IMMP1L: variants seen among roughly 807,000 people sequenced by gnomAD.
IMMP1L encodes mitochondrial inner membrane protease subunit 1.
IMMP1L carries 24 observed loss-of-function variants against 21.8 expected under a neutral mutation model. The observed-to-expected ratio is 1.10, with a 90% CI of 0.80 to 1.55. IMMP1L has a LOEUF of 1.55. Among genes scored for constraint, IMMP1L ranks in the 40% most tolerant of loss-of-function variants. IMMP1L has a pLI of 0.00. For synonymous variants in IMMP1L, 46 were observed against 62.8 expected, an observed-to-expected ratio of 0.73 and a Z score of 1.26; for missense variants, 195 against 200.7, an observed-to-expected ratio of 0.97 and a Z score of 0.17.
intron 4 of IMMP1L, among the ~76,000 whole-genome samples, chr11:31,446,627 T>C (rs537117797): frequency 6.6e-6 from 1 of 152,314 alleles, no homozygotes; most frequent in Non-Finnish European, 1.5e-5. Flanking sequence ...CTGGAACTCT[T>C]ACTTTTGGCA....
chr11:31,477,903 A>G (rs1954775856), intron 1 of IMMP1L: 1 of 152,202 alleles, frequency 6.6e-6, no homozygotes, highest in African/African-American at 2.4e-5. Flanking sequence ...TCCTACAGCT[A>G]CAAATCAAGT....
chr11:31,476,651 G>A (rs1954740073), intron 1 of IMMP1L, among the ~76,000 whole-genome samples: 1 of 151,860 alleles, frequency 6.6e-6, no homozygotes, highest in Non-Finnish European at 1.5e-5. Flanking sequence ...AGAGCTATGA[G>A]ATAAAATCCA....
chr11:31,462,113 G>A (rs1010591651), intron 2 of IMMP1L, among the ~76,000 whole-genome samples: 2 of 151,998 alleles, frequency 1.3e-5, no homozygotes, highest in Admixed American at 6.6e-5. Context: ...CCAGGAGTTC[G>A]TGCACAGCCT....
At chr11:31,456,736 T>G (rs561692955) in intron 3 of IMMP1L, among the ~76,000 whole-genome samples, 4 of 151,516 alleles carry the variant, frequency 2.6e-5, no homozygotes, top group African/African-American at 9.7e-5. Context: ...CAATTCTACA[T>G]AGGCCGGGTA....
chr11:31,441,792 GT>G (rs891959830), intron 4 of IMMP1L, among the ~76,000 whole-genome samples: 1 of 151,672 alleles, frequency 6.6e-6, no homozygotes, highest in Non-Finnish European at 1.5e-5. Context: ...AATAAAATGT[GT>G]TTTTTTAAAA....
intron 4 of IMMP1L, among the ~76,000 whole-genome samples, chr11:31,440,436 G>A (rs1358005426): frequency 6.6e-6 from 1 of 152,078 alleles, no homozygotes; most frequent in Non-Finnish European, 1.5e-5. Context: ...TCTCGCCCAA[G>A]CTGGAGTGCA....
chr11:31,434,000 C>G (rs1953025124), intron 4 of IMMP1L, among the ~76,000 whole-genome samples: 1 of 152,134 alleles, frequency 6.6e-6, no homozygotes, highest in Admixed American at 6.5e-5. Flanking sequence ...AAAGCCAAAC[C>G]TATTAGAATG....
intron 1 of IMMP1L, among the ~76,000 whole-genome samples, chr11:31,486,780 A>C (rs1211231602): frequency 6.6e-6 from 1 of 151,954 alleles, no homozygotes; most frequent in African/African-American, 2.4e-5. Context: ...CTACATGGAT[A>C]ACTCTTCAAA....
At chr11:31,448,893 G>A in intron 4 of IMMP1L, 3 of 970,216 alleles carry the variant, frequency 3.1e-6, no homozygotes, top group Non-Finnish European at 3.7e-6. Flanking sequence ...AACAATGAGT[G>A]AAATTTATCT....
At chr11:31,469,427 C>T (rs1461753132) in intron 1 of IMMP1L, among the ~76,000 whole-genome samples, 1 of 151,578 alleles carries the variant, frequency 6.6e-6, no homozygotes, top group Non-Finnish European at 1.5e-5. Flanking sequence ...GGAAATTATA[C>T]ACAACACAAT....
At chr11:31,443,619 A>T (rs1330352415) in intron 4 of IMMP1L, among the ~76,000 whole-genome samples, 2 of 152,178 alleles carry the variant, frequency 1.3e-5, no homozygotes, top group African/African-American at 4.8e-5. Context: ...GATGCATAAT[A>T]AAGGGATTGT....
intron 5 of IMMP1L, among the ~76,000 whole-genome samples, 180 bp from the exon 6 acceptor site, chr11:31,432,748 A>G (rs1310707853): frequency 6.6e-6 from 1 of 152,356 alleles, no homozygotes; most frequent in East Asian, 1.9e-4. Context: ...TTATGTGTAT[A>G]TATGTTTAAA....
At chr11:31,480,713 GT>G (rs1954867547) in intron 1 of IMMP1L, among the ~76,000 whole-genome samples, 1 of 151,968 alleles carries the variant, frequency 6.6e-6, no homozygotes, top group Admixed American at 6.6e-5. Context: ...AATTATGTAG[GT>G]TTATTCCTTT....
chr11:31,450,195 C>A (rs1319317748), intron 4 of IMMP1L, among the ~76,000 whole-genome samples: 1 of 152,132 alleles, frequency 6.6e-6, no homozygotes, highest in African/African-American at 2.4e-5. Context: ...TATAGTAGTT[C>A]AATATGTCCA....
chr11:31,435,047 T>C (rs1177205792), intron 4 of IMMP1L, among the ~76,000 whole-genome samples: 1 of 152,226 alleles, frequency 6.6e-6, no homozygotes, highest in African/African-American at 2.4e-5. Flanking sequence ...GGTGAACATC[T>C]TTCGTGTCTA....
chr11:31,503,303 G>T (rs766860975), intron 1 of IMMP1L, among the ~76,000 whole-genome samples: 6 of 152,080 alleles, frequency 3.9e-5, no homozygotes, highest in Non-Finnish European at 1.5e-5. Context: ...ATTAGAAAAG[G>T]CAGAAAATCA....
chr11:31,436,172 T>C (rs1233304257), intron 4 of IMMP1L, among the ~76,000 whole-genome samples: 1 of 152,140 alleles, frequency 6.6e-6, no homozygotes, highest in Non-Finnish European at 1.5e-5. Context: ...TTTTTCCCAA[T>C]CTATTTTTTG....
chr11:31,471,961 A>G (rs970771577), intron 1 of IMMP1L, among the ~76,000 whole-genome samples: 7 of 152,314 alleles, frequency 4.6e-5, no homozygotes, highest in African/African-American at 1.7e-4. Flanking sequence ...AACTTCTAGA[A>G]GCACTAACAT....
At chr11:31,455,199 G>A (rs1236419312) in intron 4 of IMMP1L, among the ~76,000 whole-genome samples, 3 of 152,044 alleles carry the variant, frequency 2.0e-5, no homozygotes, top group Non-Finnish European at 2.9e-5. Flanking sequence ...AGGCTATTAC[G>A]GTTCAAAATA....
Sources: allele counts gnomAD v4.1 joint callset (sites outside exome capture counted in the v4.1 genomes callset), GRCh38; gene constraint gnomAD v4.1.1; transcripts MANE v1.5; gene names NCBI Gene and HGNC (gene_info 2026-07-23, HGNC 2026-07-21).